NFATC1: variants seen among roughly 807,000 people sequenced by gnomAD.
NFATC1 encodes the protein nuclear factor of activated T cells 1.
Under a neutral mutation model 76.0 loss-of-function variants are expected in NFATC1, and 22 were observed. The observed-to-expected ratio is 0.29, with a 90% confidence interval of 0.21 to 0.41. The LOEUF (loss-of-function observed/expected upper bound fraction) is 0.41. Among genes scored for constraint, NFATC1 ranks in the 10% least tolerant of loss-of-function variants. The probability of loss-of-function intolerance (pLI) is 1.00; values close to 1 mark genes in which losing one functional copy is unlikely to be tolerated. For synonymous variants in NFATC1, 704 were observed against 613.1 expected (o/e 1.15, Z -2.19); for missense variants, 1,357 against 1,337.7 (o/e 1.01, Z -0.23).
intron 8 of NFATC1, among the ~76,000 whole-genome samples, chr18:79,471,230 C>T (rs2088774411): frequency 6.6e-6 from 1 of 152,150 alleles, no homozygotes; most frequent in South Asian, 2.1e-4. Flanking sequence ...GTTATTCCAG[C>T]ACGTCAGCAT....
At chr18:79,415,422 A>G (rs969451356) in intron 2 of NFATC1, among the ~76,000 whole-genome samples, 2 of 151,956 alleles carry the variant, frequency 1.3e-5, no homozygotes, top group African/African-American at 4.8e-5. Flanking sequence ...AGCTGGGCCT[A>G]CAGGCGCCCA....
Position 79,396,069 on chromosome 18 carries a change from A to C in NFATC1, c.-156A>C. 13 of 912,516 alleles carry C rather than the reference A, an allele frequency of 1.4e-5. No homozygotes were observed. The highest frequency in any genetic ancestry group is 1.5e-5 in the Non-Finnish European group (11 of 725,920). The allele number at this position is 912,516 out of a possible 1,614,324, so 56.5% of individuals were successfully genotyped here. A position where few individuals can be genotyped will look rare whatever the true frequency, so the allele number is the denominator to read the frequency against. The stretch of plus-strand genomic sequence containing the variant: ...CCTAGGGCCGCGGCCGGGCCCCGCC[A>C]CGCGCGCACACGCCCCTCGATGACT... On this transcript the variant is annotated 5_prime_UTR_variant, in exon 1 of 10. Transcript: ENST00000427363.
In NFATC1 at chr18:79,524,301, C is replaced by T. The variant is rs2090691520; in HGVS notation, c.2783-3227C>T. The stretch of plus-strand genomic sequence containing the variant: ...TTTCCTCTCAGGGCTACGGCACAGG[C>T]CGTGTCTGCGGGGCGAGCACGGCTC... On this transcript the variant is annotated intron_variant, in intron 9 of 9. Transcript: ENST00000427363. This position sits in a 1 kb window ranked among gnomAD's most constrained non-coding sequence, Gnocchi z 7.2. 1.3e-5 allele frequency among the ~76,000 whole-genome samples: 2 copies of T among 152,364 alleles called. No homozygotes were observed. The highest frequency in any genetic ancestry group is 4.1e-4 in the South Asian group (2 of 4,828).
intron 2 of NFATC1, among the ~76,000 whole-genome samples, chr18:79,424,711 G>A (rs2086229226): frequency 7.1e-6 from 1 of 140,376 alleles, no homozygotes; most frequent in South Asian, 2.3e-4. Context: ...GTTTCTCTGT[G>A]TCTGTCTCTG....
At chr18:79,432,097 G>GC (rs138920560) in intron 2 of NFATC1, among the ~76,000 whole-genome samples, 3,476 of 152,342 alleles carry the variant, frequency 0.023, 132 homozygotes, top group African/African-American at 0.076. Context: ...ACTTGCAGAT[G>GC]CCCCTGCTCT....
At chr18:79,478,938 C>T (rs747133310) in intron 8 of NFATC1, among the ~76,000 whole-genome samples, 1 of 152,210 alleles carries the variant, frequency 6.6e-6, no homozygotes, top group East Asian at 1.9e-4. Context: ...GTCAGCTCTG[C>T]ACGCCGCTGA....
intron 3 of NFATC1, among the ~76,000 whole-genome samples, chr18:79,443,601 G>A (rs997915274): frequency 5.3e-5 from 8 of 152,226 alleles, no homozygotes; most frequent in South Asian, 4.1e-4. Context: ...AACCTCCGCC[G>A]TTCAGGCCTC....
chr18:79,400,227 G>C (rs1397053678), intron 1 of NFATC1: 5 of 1,186,036 alleles, frequency 4.2e-6, no homozygotes, highest in Non-Finnish European at 4.2e-6. Flanking sequence ...GCCGCGAGCC[G>C]GTTGTTTATG....
chr18:79,509,226 C>T (rs2090188004), intron 9 of NFATC1, among the ~76,000 whole-genome samples: 1 of 152,252 alleles, frequency 6.6e-6, no homozygotes, highest in Non-Finnish European at 1.5e-5. Context: ...TTCCCCTTTT[C>T]TGCACCTGTC....
At chr18:79,494,279 C>G (rs1667674) in intron 9 of NFATC1, among the ~76,000 whole-genome samples, 27,564 of 68,038 alleles carry the variant, frequency 0.41, 3,890 homozygotes, top group Non-Finnish European at 0.49. Flanking sequence ...AACCTGGTAC[C>G]GCCGGGGGAA....
At chr18:79,451,586 C>G in intron 5 of NFATC1, 90 bp from the exon 6 acceptor site, 1 of 1,361,232 alleles carries the variant, frequency 7.3e-7, no homozygotes, top group East Asian at 2.8e-5. Context: ...CTGGGTGGGT[C>G]GGCTCACGTG....
intron 9 of NFATC1, among the ~76,000 whole-genome samples, chr18:79,495,371 A>G (rs906514225): frequency 1.3e-5 from 2 of 152,244 alleles, no homozygotes; most frequent in African/African-American, 2.4e-5. Flanking sequence ...TGCTGTTTCT[A>G]GTTGAAATAT....
chr18:79,451,730 A>C lies in NFATC1; in HGVS notation c.1817A>C (p.Tyr606Ser). The C allele has an allele frequency of 6.2e-7, 1 of 1,613,018 alleles. No individual in the cohort carries two copies. The highest frequency in any genetic ancestry group is 1.1e-5 in the South Asian group (1 of 90,760). Residue 606 changes from tyrosine to serine, a missense_variant, in exon 6 of 10, where the codon TAT (tyrosine) becomes TCT (serine). Around this residue, in one of 3 missense-constraint regions of NFATC1, gnomAD observed 242 missense variants for 329.2 expected, o/e 0.74. Coordinates refer to ENST00000427363, the MANE Select transcript of NFATC1 (RefSeq NM_001278669.2). The part of the protein sequence containing the change: ...PLVEKQSTDS[Y>S]PVVGGKKMVL... ...GTGGAGAAGCAGAGCACGGACAGCT[A>C]TCCGGTCGTGGGCGGGAAGAAGATG... is the stretch of plus-strand genomic sequence containing the variant.
chr18:79,411,264 G>T lies in NFATC1; in HGVS notation c.989G>T (p.Gly330Val), dbSNP rs2148190076. Residue 330 changes from glycine to valine, a missense_variant, in exon 2 of 10, where the codon GGC becomes GTC. Physicochemically the swap from Gly to Val is moderately radical, Grantham distance 109. This residue lies in a region of NFATC1 where 691 missense variants were observed against 613.1 expected (regional missense o/e 1.13). Transcript: ENST00000427363. ...GACAGCAGCCTGGACCTGGGAGATG[G>T]CGTCCCTGTCAAGTCCCGCAAGACC... ...TTDSSLDLGD[G>V]VPVKSRKTTL... The T allele has an allele frequency of 6.2e-7, 1 of 1,603,148 alleles. No individual in the cohort carries two copies.
At chr18:79,403,233 G>T (rs1053051539) in intron 1 of NFATC1, among the ~76,000 whole-genome samples, 1 of 152,262 alleles carries the variant, frequency 6.6e-6, no homozygotes, top group East Asian at 1.9e-4. Context: ...GCGTCTTCAC[G>T]GGGTGCTTTG....
intron 2 of NFATC1, among the ~76,000 whole-genome samples, chr18:79,429,673 T>A (rs1450976344): frequency 6.6e-6 from 1 of 152,202 alleles, no homozygotes; most frequent in Non-Finnish European, 1.5e-5. Context: ...CTCTTTTGTC[T>A]GAACCAGAGA....
intron 8 of NFATC1, among the ~76,000 whole-genome samples, chr18:79,479,705 G>A (rs957929191): frequency 3.3e-5 from 5 of 152,356 alleles, no homozygotes; most frequent in East Asian, 1.9e-4. Flanking sequence ...ATAGGCCAGC[G>A]GGTCAGGCGG....
chr18:79,408,717 ACCATCCATCATCAT>A (rs1264293011), intron 1 of NFATC1, among the ~76,000 whole-genome samples: 8 of 152,170 alleles, frequency 5.3e-5, no homozygotes, highest in Non-Finnish European at 1.2e-4. Context: ...AAACACATCC[ACCATCCATCATCAT>A]CCATCCATCA....
intron 4 of NFATC1, 28 bp from the exon 5 acceptor site, chr18:79,450,926 A>G: frequency 1.9e-6 from 3 of 1,600,668 alleles, no homozygotes; most frequent in Middle Eastern, 3.3e-4. Context: ...CCATTGAAAG[A>G]AAAGCTGTGG....
Sources: allele counts gnomAD v4.1 joint callset (sites outside exome capture counted in the v4.1 genomes callset), GRCh38; gene constraint gnomAD v4.1.1; regional missense constraint gnomAD v4.1.1; non-coding constraint Gnocchi (gnomAD v3.1); transcripts MANE v1.5; gene names NCBI Gene and HGNC (gene_info 2026-07-23, HGNC 2026-07-21).